The following NODAL variants were observed in gnomAD, a reference collection of about 807,000 sequenced individuals.
The protein encoded by NODAL is nodal homolog.
A neutral mutation model predicts 34.0 loss-of-function variants in NODAL; 12 were observed. That is an observed-to-expected ratio of 0.35 (90% CI 0.23 to 0.57). The LOEUF is 0.57. NODAL is among the 20% of genes least tolerant of loss of function. NODAL has a pLI of 0.83. For missense variants in NODAL, 390 were observed against 444.2 expected (o/e 0.88, Z 1.10); for synonymous variants, 162 against 186.4 (o/e 0.87, Z 1.07).
At chr10:70,441,690 G>A (rs1845434334), upstream of NODAL, 20 of 1,547,814 alleles carry the variant, frequency 1.3e-5, no homozygotes, top group Non-Finnish European at 1.7e-5. Flanking sequence ...AGGCCTGAAA[G>A]CAGCACCTCC....
intron 1 of NODAL, among the ~76,000 whole-genome samples, chr10:70,439,663 A>G (rs1208926751): frequency 1.3e-5 from 2 of 152,246 alleles, no homozygotes; most frequent in Admixed American, 1.3e-4. Context: ...CCAAGATGGA[A>G]GGAGTGGGGC....
At chr10:70,437,007 C>T (rs921853878) in intron 1 of NODAL, among the ~76,000 whole-genome samples, 2 of 152,198 alleles carry the variant, frequency 1.3e-5, no homozygotes, top group Non-Finnish European at 2.9e-5. Flanking sequence ...AAGACACACA[C>T]ACCCAGCCCT....
upstream of NODAL, among the ~76,000 whole-genome samples, chr10:70,443,119 C>G (rs1179535552): frequency 6.7e-6 from 1 of 148,660 alleles, no homozygotes; most frequent in African/African-American, 2.5e-5. Flanking sequence ...ACAACAACAA[C>G]AAAAGAACCA....
At chr10:70,446,903 G>A (rs1211691520) in intron 1 of NODAL, among the ~76,000 whole-genome samples, 1 of 151,864 alleles carries the variant, frequency 6.6e-6, no homozygotes, top group Non-Finnish European at 1.5e-5. Context: ...CCCAAAGCAG[G>A]GCCCCCAAAC....
chr10:70,441,431 G>A, intron 1 of NODAL, 44 bp downstream of exon 1: 1 of 1,539,036 alleles, frequency 6.5e-7, no homozygotes, highest in Non-Finnish European at 8.7e-7. Context: ...CGGCGGAGGC[G>A]CCCCGGGGGT....
intron 1 of NODAL, among the ~76,000 whole-genome samples, chr10:70,447,000 A>G (rs1845494630): frequency 1.3e-5 from 2 of 151,638 alleles, no homozygotes; most frequent in African/African-American, 4.9e-5. Flanking sequence ...ATCTATCAAG[A>G]CACAGTTTAA....
At position 70,432,863 on chromosome 10, in the gene NODAL, T is replaced by C. The variant is rs1016626408; in HGVS notation, c.*73A>G. ...CTCTGTTTCTCCTTACTGGATTAGA[T>C]GGTTATCATGTCTTCCAGGAGTTTC... is the stretch of plus-strand genomic sequence containing the variant. On this transcript the variant is annotated 3_prime_UTR_variant, in exon 3 of 3. Transcript: ENST00000287139. 8 of 1,562,780 alleles carry C rather than the reference T, an allele frequency of 5.1e-6. No homozygotes were observed. In the Admixed American group the frequency reaches 1.2e-4, roughly 23 times the overall value.
upstream of NODAL, among the ~76,000 whole-genome samples, chr10:70,443,995 C>T (rs546179593): frequency 4.0e-5 from 6 of 149,454 alleles, no homozygotes; most frequent in East Asian, 2.0e-4. Context: ...TGCAATGGCA[C>T]GACCTTGGCT....
chr10:70,431,946 G>A lies in NODAL; in HGVS notation c.*990C>T, dbSNP rs1034156720. On this transcript the variant is annotated 3_prime_UTR_variant, in exon 3 of 3. Transcript: ENST00000287139. ...TTCAGTCTACAGCTTAAAGCTCATG[G>A]CTCTTCTGAGCCTGACAACAGACAT... is the stretch of plus-strand genomic sequence containing the variant. Among the ~76,000 whole-genome samples, 1 of 152,218 alleles carries A rather than the reference G, an allele frequency of 6.6e-6. No individual in the cohort carries two copies. The highest frequency in any genetic ancestry group is 6.5e-5 in the Admixed American group (1 of 15,282).
intron 1 of NODAL, among the ~76,000 whole-genome samples, chr10:70,447,249 T>C (rs1845498152): frequency 6.6e-6 from 1 of 152,062 alleles, no homozygotes; most frequent in Admixed American, 6.6e-5. Context: ...AATTTTTGTA[T>C]TTTTAGTAGA....
chr10:70,440,632 T>A (rs867605927), intron 1 of NODAL, among the ~76,000 whole-genome samples: 2 of 152,136 alleles, frequency 1.3e-5, no homozygotes, highest in Admixed American at 1.3e-4. Context: ...GGGCTCCCTC[T>A]CCGCAGCACC....
At position 70,432,818 on chromosome 10, in the gene NODAL, G is replaced by A. The variant is rs768727728; in HGVS notation, c.*118C>T. On this transcript the variant is annotated 3_prime_UTR_variant, in exon 3 of 3. Transcript: ENST00000287139. Reference sequence around the variant, plus strand: ...CAGCCCCTCCTCTTCAGTTCTGGTGGGCAGAGCAACTTTGCCCCTCTCTGT... The same window carrying A: ...CAGCCCCTCCTCTTCAGTTCTGGTGAGCAGAGCAACTTTGCCCCTCTCTGT... 3.3e-6 allele frequency: 4 copies of A among 1,213,316 alleles called. No individual in the cohort carries two copies. Among genetic ancestry groups the A allele is most frequent in the Non-Finnish European group, 4.8e-6 (4 of 826,532 alleles). The allele number at this position is 1,213,316 out of a possible 1,614,324, so 75.2% of individuals were successfully genotyped here.
At position 70,435,875 on chromosome 10, in the gene NODAL, A is replaced by G; in HGVS notation, c.302T>C (p.Val101Ala). The G allele has an allele frequency of 6.2e-7, 1 of 1,614,156 alleles. No individual in the cohort carries two copies. The highest frequency in any genetic ancestry group is 8.5e-7 in the Non-Finnish European group (1 of 1,180,030). The part of the protein sequence containing the change: ...AELRLQLSSP[V>A]DLPTEGSLAI... ...AAGTGAGCCCTCAGTGGGGAGGTCC[A>G]CAGGGCTGGACAGCTGCAGCCGGAG... The change falls in exon 2 of 3, where the codon GTG becomes GCG. Residue 101 changes from valine to alanine, a missense_variant. Val to Ala is a moderately conservative substitution (Grantham distance 64). Coordinates refer to ENST00000287139, the MANE Select transcript of NODAL (RefSeq NM_018055.5).
rs763525961 is a variant in NODAL, at chr10:70,435,307, C to A, written c.870G>T (p.Pro290=). 7 of 1,611,746 alleles carry A rather than the reference C, an allele frequency of 4.3e-6. No homozygotes were observed. Among genetic ancestry groups the A allele is most frequent in the African/African-American group, 2.7e-5 (2 of 74,878 alleles). ...CCACCTGGATGTATGCATGGTTGGT[C>A]GGATGAAACTCCTCCCCAACAGGAT... The part of the protein sequence containing the change: ...CPNPVGEEFH[P]TNHAYIQSLL... Residue 290 remains proline, a synonymous_variant, in exon 2 of 3, where the codon CCG becomes CCT. Transcript: ENST00000287139.
intron 1 of NODAL, among the ~76,000 whole-genome samples, chr10:70,440,441 C>T (rs958070248): frequency 6.6e-6 from 1 of 152,158 alleles, no homozygotes; most frequent in Admixed American, 6.5e-5. Flanking sequence ...TGACCCCAGG[C>T]GCGGGAGCGA....
intron 1 of NODAL, among the ~76,000 whole-genome samples, chr10:70,440,170 A>T (rs1224142646): frequency 6.6e-6 from 1 of 152,242 alleles, no homozygotes; most frequent in Non-Finnish European, 1.5e-5. Flanking sequence ...CGCGCCAGGG[A>T]CAACAGGGAA....
At chr10:70,437,154 A>G (rs2132216701) in intron 1 of NODAL, among the ~76,000 whole-genome samples, 1 of 152,318 alleles carries the variant, frequency 6.6e-6, no homozygotes, top group South Asian at 2.1e-4. Flanking sequence ...AGGTGACTTA[A>G]TAGTGATGCC....
At chr10:70,436,101 G>A (rs1230704153) in intron 1 of NODAL, 118 bp from the exon 2 acceptor site, 9 of 828,456 alleles carry the variant, frequency 1.1e-5, no homozygotes, top group Admixed American at 4.0e-5. Context: ...AATTACCTTC[G>A]AATTCTCACC....
Position 70,433,060 on chromosome 10 carries a change from C to G in NODAL, c.920G>C (p.Arg307Pro). The G allele has an allele frequency of 6.2e-7, 1 of 1,613,990 alleles. No homozygotes were observed. The highest frequency in any genetic ancestry group is 8.5e-7 in the Non-Finnish European group (1 of 1,180,006). ...QSLLKRYQPH[R>P]VPSTCCAPVK... ...TGGGGCACAACAAGTGGAAGGGACT[C>G]GGTGGGGCTGGTAACGTTTCAGCAG... The change falls in exon 3 of 3, where the codon CGA becomes CCA. Residue 307 changes from arginine (R) to proline (P), a missense_variant. Physicochemically the swap from Arg to Pro is moderately radical, Grantham distance 103. Coordinates refer to ENST00000287139, the MANE Select transcript of NODAL (RefSeq NM_018055.5).
Sources: gnomAD v4.1 joint callset for allele counts (sites outside exome capture counted in the v4.1 genomes callset) on GRCh38, gnomAD v4.1.1 for gene constraint, MANE v1.5 for transcripts, NCBI Gene and HGNC (gene_info 2026-07-23, HGNC 2026-07-21) for gene names.